ABCA1: variants seen among roughly 807,000 people sequenced by gnomAD.
ABCA1 encodes ATP binding cassette subfamily A member 1, also known as phospholipid-transporting ATPase ABCA1.
A neutral mutation model predicts 262.5 loss-of-function variants in ABCA1; 133 were observed. The observed-to-expected ratio is 0.51, with a 90% confidence interval of 0.44 to 0.59. ABCA1 has a LOEUF of 0.59. ABCA1 is among the 20% of genes least tolerant of loss of function. The pLI is 0.00. For missense variants in ABCA1, 2,452 were observed against 2,777.5 expected (o/e 0.88, Z 2.63); for synonymous variants, 1,022 against 1,043.5 (o/e 0.98, Z 0.40).
chr9:104,855,843 G>A, intron 7 of ABCA1: 1 of 1,610,900 alleles, frequency 6.2e-7, no homozygotes, highest in East Asian at 2.2e-5. Context: ...CCCAGATTCT[G>A]AAGGAGGCCC....
chr9:104,902,954 T>C (rs887422321), intron 2 of ABCA1, among the ~76,000 whole-genome samples: 1 of 152,084 alleles, frequency 6.6e-6, no homozygotes, highest in Non-Finnish European at 1.5e-5. Flanking sequence ...AGGAAGGGTG[T>C]TCAGAGATAG....
intron 1 of ABCA1, among the ~76,000 whole-genome samples, chr9:104,906,700 G>A (rs77984332): frequency 6.7e-6 from 1 of 149,686 alleles, no homozygotes; most frequent in East Asian, 2.0e-4. Context: ...TGAAGCCAAA[G>A]GGACATTTCC....
rs540031864 is a variant in ABCA1 at position 104,786,249 on chromosome 9, T to C, written c.6401+49A>G. Reference sequence around the variant, plus strand: ...ATTTATATACTCACAAAAGAATAAATATCAAGCCTTCTCACTAGGCACTAT... The same window carrying C: ...ATTTATATACTCACAAAAGAATAAACATCAAGCCTTCTCACTAGGCACTAT... On this transcript the variant is annotated intron_variant, in intron 48 of 49. Coordinates refer to ENST00000374736, the MANE Select transcript of ABCA1 (RefSeq NM_005502.4). 2.8e-6 allele frequency: 4 copies of C among 1,422,378 alleles called. No individual in the cohort carries two copies. In the Admixed American group the frequency reaches 5.0e-5, roughly 18 times the overall value. 88.1% of individuals were successfully genotyped at this position (1,422,378 alleles called of 1,614,324 possible).
intron 7 of ABCA1, chr9:104,856,017 G>A (rs72732679): frequency 0.012 from 18,988 of 1,612,784 alleles, 146 homozygotes; most frequent in Non-Finnish European, 0.013. Flanking sequence ...TTGCATCTCC[G>A]GTTGCTGCTA....
intron 36 of ABCA1, 50 bp downstream of exon 36, chr9:104,799,769 T>C: frequency 6.2e-7 from 1 of 1,614,034 alleles, no homozygotes. Context: ...CCCTTCTCCA[T>C]AACCCTCTCC....
intron 43 of ABCA1, 68 bp downstream of exon 43, chr9:104,791,868 G>T: frequency 6.6e-7 from 1 of 1,505,688 alleles, no homozygotes; most frequent in Non-Finnish European, 9.2e-7. Flanking sequence ...AACGAGCATC[G>T]TTGCTTGATT....
At chr9:104,785,952 C>G (rs1306862557) in intron 48 of ABCA1, among the ~76,000 whole-genome samples, 1 of 152,182 alleles carries the variant, frequency 6.6e-6, no homozygotes, top group Non-Finnish European at 1.5e-5. Context: ...ATTGGTAGGG[C>G]CAGGATGCAA....
intron 1 of ABCA1, among the ~76,000 whole-genome samples, chr9:104,916,555 G>A (rs1282901491): frequency 6.6e-6 from 1 of 152,148 alleles, no homozygotes; most frequent in Non-Finnish European, 1.5e-5. Flanking sequence ...CTAAATTCTG[G>A]TATAGTATGA....
intron 11 of ABCA1, 93 bp downstream of exon 11, chr9:104,836,887 G>T: frequency 3.0e-6 from 3 of 1,016,788 alleles, no homozygotes; most frequent in South Asian, 1.3e-5. Context: ...TAAACTGAAA[G>T]AATTCTCACC....
chr9:104,862,773 G>A (rs1398742796), intron 5 of ABCA1, among the ~76,000 whole-genome samples: 1 of 95,172 alleles, frequency 1.1e-5, no homozygotes, highest in East Asian at 2.6e-4. Flanking sequence ...TGATACAGCG[G>A]CCCTGGGATG....
At chr9:104,911,366 C>T (rs1186662782) in intron 1 of ABCA1, among the ~76,000 whole-genome samples, 2 of 152,208 alleles carry the variant, frequency 1.3e-5, no homozygotes, top group Non-Finnish European at 2.9e-5. Context: ...AATTGCCTCT[C>T]TGATCATGTG....
intron 2 of ABCA1, among the ~76,000 whole-genome samples, chr9:104,899,976 C>T (rs1840531200): frequency 6.6e-6 from 1 of 152,110 alleles, no homozygotes; most frequent in African/African-American, 2.4e-5. Context: ...AGCTTTGCAC[C>T]CAACTTTCAC....
intron 5 of ABCA1, among the ~76,000 whole-genome samples, chr9:104,866,837 A>G (rs1837139406): frequency 6.6e-6 from 1 of 152,140 alleles, no homozygotes; most frequent in East Asian, 1.9e-4. Context: ...CTAGTACCAC[A>G]CAGATCAAGC....
Position 104,810,819 on chromosome 9 carries a change from C to T in ABCA1, c.4156G>A (p.Glu1386Lys), listed in dbSNP as rs755216595. 3.7e-6 allele frequency: 6 copies of T among 1,614,200 alleles called. No individual in the cohort carries two copies. Among genetic ancestry groups the T allele is most frequent in the East Asian group, 2.2e-5 (1 of 44,872 alleles). Reference sequence around the variant, plus strand: ...ACATACCTGACAAATGTGTACTGTTCGTTGTACATCCAGGGCTGAAGTTCC... The same window carrying T: ...ACATACCTGACAAATGTGTACTGTTTGTTGTACATCCAGGGCTGAAGTTCC... Reference protein sequence around the residue: ...SLELQPWMYNEQYTFVSNDAP... With the variant: ...SLELQPWMYNKQYTFVSNDAP... The change falls in exon 29 of 50, where the codon GAA becomes AAA. Residue 1386 changes from glutamate (E) to lysine (K), a missense_variant. Around this residue, in one of 4 missense-constraint regions of ABCA1, gnomAD observed 665 missense variants for 727.3 expected, o/e 0.91. Coordinates refer to ENST00000374736, the MANE Select transcript of ABCA1 (RefSeq NM_005502.4).
intron 5 of ABCA1, among the ~76,000 whole-genome samples, chr9:104,868,809 C>T (rs576311572): frequency 9.9e-5 from 15 of 152,196 alleles, no homozygotes; most frequent in East Asian, 1.9e-4. Flanking sequence ...GGGACCAAGC[C>T]GGGGAACCAG....
intron 25 of ABCA1, among the ~76,000 whole-genome samples, chr9:104,815,750 G>C (rs949253420): frequency 1.2e-4 from 18 of 152,210 alleles, no homozygotes; most frequent in African/African-American, 4.3e-4. Context: ...TTCTGATTCA[G>C]TAGGTCTGAG....
chr9:104,793,326 G>A (rs1829594121), intron 40 of ABCA1, 26 bp from the exon 41 acceptor site: 1 of 1,614,024 alleles, frequency 6.2e-7, no homozygotes, highest in Non-Finnish European at 8.5e-7. Flanking sequence ...CAGAGATCCG[G>A]TCAGAATGGA....
chr9:104,809,815 G>A (rs930906878), intron 29 of ABCA1, among the ~76,000 whole-genome samples: 3 of 151,980 alleles, frequency 2.0e-5, no homozygotes, highest in African/African-American at 7.3e-5. Context: ...AGGTGTGTAT[G>A]TGTACACACA....
intron 4 of ABCA1, among the ~76,000 whole-genome samples, chr9:104,883,856 T>C (rs1295626818): frequency 6.6e-6 from 1 of 152,210 alleles, no homozygotes; most frequent in African/African-American, 2.4e-5. Context: ...ACACTTATTA[T>C]GCCCATACTT....
Sources: gnomAD v4.1 joint callset for allele counts (sites outside exome capture counted in the v4.1 genomes callset) on GRCh38, gnomAD v4.1.1 for gene constraint, gnomAD v4.1.1 regional missense constraint, MANE v1.5 for transcripts, NCBI Gene and HGNC (gene_info 2026-07-23, HGNC 2026-07-21) for gene names.